Variants in PATJ observed in about 807,000 individuals in gnomAD.
PATJ encodes PATJ crumbs cell polarity complex component, also known as inaD-like protein.
In PATJ, 190 loss-of-function variants were observed where a neutral mutation model predicts 224.9. That is an observed-to-expected ratio of 0.84 (90% confidence interval 0.75 to 0.95). The LOEUF (loss-of-function observed/expected upper bound fraction) is 0.95, where lower values mean the gene tolerates loss of function less well. PATJ is among the 40% of genes least tolerant of loss of function. PATJ has a pLI of 0.00. For synonymous variants in PATJ, 769 were observed against 820.3 expected (o/e 0.94, Z 1.07); for missense variants, 2,121 against 2,270.3 (o/e 0.93, Z 1.34).
chr1:61,917,652 G>C (rs1673634929), intron 26 of PATJ, among the ~76,000 whole-genome samples: 1 of 152,092 alleles, frequency 6.6e-6, no homozygotes, highest in Non-Finnish European at 1.5e-5. Flanking sequence ...AGATTTGCCT[G>C]GAAATTTTCA....
rs1364396004 is a variant in PATJ at position 61,914,693 on chromosome 1, A to T, written c.3570+29A>T. On this transcript the variant is annotated intron_variant, in intron 26 of 43. Coordinates refer to ENST00000642238, the MANE Select transcript of PATJ (RefSeq NM_001350145.3). ...ACTTGAACCTCTCAAGGATTTAAAA[A>T]ATGTTTTTGTTTTGTTTTTGTTTTT... The T allele has an allele frequency of 2.8e-6, 4 of 1,411,046 alleles. No homozygotes were observed. The Admixed American group carries it at 5.9e-5, about 21-fold the overall frequency. 87.4% of individuals were successfully genotyped at this position (1,411,046 alleles called of 1,614,324 possible).
chr1:61,805,476 G>A lies in PATJ; in HGVS notation c.1578G>A (p.Glu526=). Residue 526 remains glutamate, a synonymous_variant, in exon 13 of 44, where the codon GAG becomes GAA. Coordinates refer to ENST00000642238, the MANE Select transcript of PATJ (RefSeq NM_001350145.3). The stretch of plus-strand genomic sequence containing the variant: ...AAGTCCCAGACTCTCCAGAAAATGA[G>A]CTGAAATCCAGATGGGAAAACCTGT... ...LEKVPDSPEN[E]LKSRWENLLG... 6.2e-7 allele frequency: 1 copy of A among 1,608,034 alleles called. No homozygotes were observed. Among genetic ancestry groups the A allele is most frequent in the Non-Finnish European group, 8.5e-7 (1 of 1,174,722 alleles).
At chr1:61,910,403 A>G (rs576335899) in intron 25 of PATJ, among the ~76,000 whole-genome samples, 4 of 152,330 alleles carry the variant, frequency 2.6e-5, no homozygotes, top group East Asian at 3.9e-4. Flanking sequence ...ATAGACTGCC[A>G]CATTGTACAT....
At chr1:61,872,613 G>T (rs561677911) in intron 20 of PATJ, among the ~76,000 whole-genome samples, 11 of 152,176 alleles carry the variant, frequency 7.2e-5, no homozygotes, top group South Asian at 4.2e-4. Context: ...GAAACTCATT[G>T]TGCAGCCTTT....
Position 61,858,559 on chromosome 1 carries a change from G to A in PATJ, c.2322+2320G>A, listed in dbSNP as rs146669005. 4.0e-3 allele frequency among the ~76,000 whole-genome samples: 602 copies of A among 152,244 alleles called. 5 individuals are homozygous for A. Among genetic ancestry groups the A allele is most frequent in the African/African-American group, 0.014 (571 of 41,544 alleles). On this transcript the variant is annotated intron_variant, in intron 18 of 43. Transcript: ENST00000642238. ...TTACAGGCGTGAGCCACCACAGCTGGCCATGCCACACACTTTTAAACCACC... is the reference window on the plus strand; with the variant it reads ...TTACAGGCGTGAGCCACCACAGCTGACCATGCCACACACTTTTAAACCACC...
chr1:62,021,093 G>A (rs1415274158), intron 29 of PATJ, among the ~76,000 whole-genome samples: 1 of 152,096 alleles, frequency 6.6e-6, no homozygotes, highest in Admixed American at 6.6e-5. Flanking sequence ...CTCCCAAAGT[G>A]CTGGGATCAC....
At chr1:62,083,112 T>A (rs1659490716) in intron 32 of PATJ, among the ~76,000 whole-genome samples, 1 of 152,204 alleles carries the variant, frequency 6.6e-6, no homozygotes. Flanking sequence ...ATTTTGAATG[T>A]TTTGAGGTTT....
intron 32 of PATJ, among the ~76,000 whole-genome samples, chr1:62,082,327 A>G (rs1343704320): frequency 1.3e-5 from 2 of 152,214 alleles, no homozygotes; most frequent in Non-Finnish European, 2.9e-5. Flanking sequence ...CACCTCACAC[A>G]CACTGTTCAT....
chr1:62,138,385 G>A (rs533688538), intron 41 of PATJ, among the ~76,000 whole-genome samples: 1 of 152,234 alleles, frequency 6.6e-6, no homozygotes, highest in South Asian at 2.1e-4. Context: ...TCAATTCACT[G>A]CAACCTCCGC....
At chr1:61,775,850 A>G (rs1018254085) in intron 7 of PATJ, among the ~76,000 whole-genome samples, 9 of 152,232 alleles carry the variant, frequency 5.9e-5, no homozygotes, top group African/African-American at 2.2e-4. Flanking sequence ...GCTTAATTTT[A>G]TATTGAAGAA....
At chr1:61,983,777 G>A (rs543114943) in intron 27 of PATJ, among the ~76,000 whole-genome samples, 31 of 152,166 alleles carry the variant, frequency 2.0e-4, no homozygotes, top group African/African-American at 6.5e-4. Flanking sequence ...GAGGGAAGTC[G>A]AAGGAAATAA....
At chr1:61,834,496 CAT>C (rs1659859694) in intron 17 of PATJ, among the ~76,000 whole-genome samples, 1 of 152,102 alleles carries the variant, frequency 6.6e-6, no homozygotes, top group Admixed American at 6.5e-5. Flanking sequence ...CAGTTACTGT[CAT>C]ATATTCAGAC....
At chr1:61,994,785 C>T (rs1457453486) in intron 28 of PATJ, among the ~76,000 whole-genome samples, 1 of 152,098 alleles carries the variant, frequency 6.6e-6, no homozygotes, top group Non-Finnish European at 1.5e-5. Context: ...AACTCCTGAT[C>T]TCAGGTGATC....
chr1:61,997,558 G>C (rs1436764325), intron 28 of PATJ, among the ~76,000 whole-genome samples: 1 of 152,132 alleles, frequency 6.6e-6, no homozygotes, highest in Non-Finnish European at 1.5e-5. Context: ...CTAACATTGA[G>C]TACTTAATTA....
intron 19 of PATJ, among the ~76,000 whole-genome samples, chr1:61,863,848 G>C (rs1030323424): frequency 1.2e-4 from 19 of 152,126 alleles, no homozygotes; most frequent in Non-Finnish European, 2.5e-4. Context: ...GACCTTTTAA[G>C]TCTTTGCTTT....
intron 20 of PATJ, among the ~76,000 whole-genome samples, chr1:61,867,529 A>G: frequency 9.9e-6 from 1 of 101,210 alleles, no homozygotes; most frequent in Admixed American, 1.3e-4. Context: ...TATTTATAAT[A>G]TTTACTCTGG....
intron 43 of PATJ, among the ~76,000 whole-genome samples, chr1:62,159,167 C>T (rs1669597523): frequency 6.6e-6 from 1 of 152,072 alleles, no homozygotes; most frequent in Non-Finnish European, 1.5e-5. Context: ...ACATTACTTT[C>T]TTAAAAGATT....
At chr1:61,991,531 A>G in intron 28 of PATJ, 9 of 985,378 alleles carry the variant, frequency 9.1e-6, no homozygotes, top group Non-Finnish European at 1.1e-5. Flanking sequence ...TACTTGCCTA[A>G]TAATAACTAC....
At chr1:62,107,846 G>A (rs1663294482) in intron 33 of PATJ, among the ~76,000 whole-genome samples, 1 of 152,112 alleles carries the variant, frequency 6.6e-6, no homozygotes, top group African/African-American at 2.4e-5. Context: ...TAATTTTATG[G>A]CTCAGATTGC....
Sources: allele counts gnomAD v4.1 joint callset (sites outside exome capture counted in the v4.1 genomes callset), GRCh38; gene constraint gnomAD v4.1.1; transcripts MANE v1.5; gene names NCBI Gene and HGNC (gene_info 2026-07-23, HGNC 2026-07-21).